Variants in ZC3H15 observed in about 807,000 individuals in gnomAD.
The protein encoded by ZC3H15 is zinc finger CCCH-type containing 15.
A neutral mutation model predicts 51.2 loss-of-function variants in ZC3H15; 15 were observed. That is an observed-to-expected ratio of 0.29 (90% confidence interval 0.20 to 0.45). The LOEUF is 0.45. Ranked by LOEUF, ZC3H15 falls within the 20% of genes least tolerant of loss-of-function variation. ZC3H15 has a pLI of 1.00. For missense variants in ZC3H15, 381 were observed against 494.7 expected, an observed-to-expected ratio of 0.77 and a Z score of 2.18; for synonymous variants, 144 against 162.8, an observed-to-expected ratio of 0.88 and a Z score of 0.88.
chr2:186,492,319 T>G (rs886969928), intron 1 of ZC3H15, among the ~76,000 whole-genome samples: 1 of 152,246 alleles, frequency 6.6e-6, no homozygotes, highest in African/African-American at 2.4e-5. Flanking sequence ...TCACATTATG[T>G]TGACCATCTT....
intron 3 of ZC3H15, chr2:186,500,712 G>A (rs775078891): frequency 2.2e-6 from 1 of 455,218 alleles, no homozygotes; most frequent in Non-Finnish European, 4.4e-6. Context: ...TTGTTGCTCT[G>A]TCACCAGGCT....
rs764905028 is a variant in ZC3H15, at chr2:186,505,612, C to T, written c.864+15C>T. 9.4e-6 allele frequency: 15 copies of T among 1,599,208 alleles called. No individual in the cohort carries two copies. Among genetic ancestry groups the T allele is most frequent in the South Asian group, 7.8e-5 (7 of 89,276 alleles). On this transcript the variant is annotated intron_variant, in intron 7 of 9. Transcript: ENST00000337859. ...AAGCACTAGTGGTATGTCTCAGGCT[C>T]ACCCAAACTGATTCTTTATTCTTCC...
Position 186,508,598 on chromosome 2 carries a change from C to T in ZC3H15, c.1146C>T (p.Asp382=). The T allele has an allele frequency of 6.2e-7, 1 of 1,613,972 alleles. No homozygotes were observed. The highest frequency in any genetic ancestry group is 8.5e-7 in the Non-Finnish European group (1 of 1,179,970). The stretch of plus-strand genomic sequence containing the variant: ...GGGCTGAAAATGGTGAAAGAAGTGA[C>T]TTGGAAGAGGACAACGAGAGGGAGG... The part of the protein sequence containing the change: ...GGRAENGERS[D]LEEDNEREGT... Residue 382 remains aspartate (D), a synonymous_variant, in exon 10 of 10, where the codon GAC becomes GAT. Transcript: ENST00000337859.
Position 186,508,558 on chromosome 2 carries a change from A to C in ZC3H15, c.1106A>C (p.Glu369Ala). 1.2e-6 allele frequency: 2 copies of C among 1,613,672 alleles called. No individual in the cohort carries two copies. Among genetic ancestry groups the C allele is most frequent in the Non-Finnish European group, 1.7e-6 (2 of 1,179,838 alleles). ...TSDKDENKLS[E>A]ASGGRAENGE... ...TTATATTTAGAAAACAAATTAAGTG[A>C]AGCTTCTGGAGGTAGGGCTGAAAAT... The change falls in exon 10 of 10, where the codon GAA becomes GCA. Residue 369 changes from glutamate to alanine, a missense_variant. Glu to Ala is a moderately radical substitution (Grantham distance 107, BLOSUM62 -1). Coordinates refer to ENST00000337859, the MANE Select transcript of ZC3H15 (RefSeq NM_018471.3).
rs200591705 is a variant in ZC3H15 at position 186,504,108 on chromosome 2, T to C, written c.611T>C (p.Ile204Thr). The C allele has an allele frequency of 1.1e-4, 182 of 1,610,014 alleles. 1 individual carries two copies. In the Admixed American group the frequency reaches 2.4e-3, roughly 21 times the overall value. Residue 204 changes from isoleucine (I) to threonine (T), a missense_variant, in exon 6 of 10, where the codon ATT becomes ACT. Around this residue, in one of 3 missense-constraint regions of ZC3H15, gnomAD observed 41 missense variants for 86.5 expected, o/e 0.47. Transcript: ENST00000337859. ...TGGGTATGCCCTGGAGGGGGTGATATTTGCATGTATCGTCATGCACTTCCT... is the reference window on the plus strand; with the variant it reads ...TGGGTATGCCCTGGAGGGGGTGATACTTGCATGTATCGTCATGCACTTCCT... ...WFWVCPGGGD[I>T]CMYRHALPPG...
At chr2:186,488,185 G>A (rs933253032) in intron 1 of ZC3H15, among the ~76,000 whole-genome samples, 1 of 151,758 alleles carries the variant, frequency 6.6e-6, no homozygotes, top group Non-Finnish European at 1.5e-5. Context: ...TTTTTGTTGA[G>A]GTATAACTTA....
At chr2:186,497,883 A>G (rs1236477930) in intron 2 of ZC3H15, among the ~76,000 whole-genome samples, 1 of 152,204 alleles carries the variant, frequency 6.6e-6, no homozygotes, top group Non-Finnish European at 1.5e-5. Context: ...CCCATCATAT[A>G]TAACATCGGA....
chr2:186,494,232 T>C (rs565193930), intron 1 of ZC3H15, among the ~76,000 whole-genome samples: 1 of 152,178 alleles, frequency 6.6e-6, no homozygotes, highest in Non-Finnish European at 1.5e-5. Context: ...TATTCCAGAT[T>C]TAAAGAAAAT....
Position 186,508,952 on chromosome 2 carries a change from A to G in ZC3H15, c.*219A>G. 1 of 637,480 alleles carries G rather than the reference A, an allele frequency of 1.6e-6. No individual in the cohort carries two copies. Among genetic ancestry groups the G allele is most frequent in the East Asian group, 3.1e-5 (1 of 32,464 alleles). The allele number at this position is 637,480 out of a possible 1,614,324, so 39.5% of individuals were successfully genotyped here. A position where few individuals can be genotyped will look rare whatever the true frequency, so the allele number is the denominator to read the frequency against. Reference sequence around the variant, plus strand: ...GAGTAGTTCATGATAAATTGAAAATATAATGGTCATTGCAGAAAATGATTG... The same window carrying G: ...GAGTAGTTCATGATAAATTGAAAATGTAATGGTCATTGCAGAAAATGATTG... On this transcript the variant is annotated 3_prime_UTR_variant, in exon 10 of 10. Coordinates refer to ENST00000337859, the MANE Select transcript of ZC3H15 (RefSeq NM_018471.3).
intron 1 of ZC3H15, among the ~76,000 whole-genome samples, chr2:186,491,267 A>G (rs1685194982): frequency 6.6e-6 from 1 of 152,170 alleles, no homozygotes. Flanking sequence ...TCTGTCACTT[A>G]ATAGTTAACA....
At position 186,509,228 on chromosome 2, in the gene ZC3H15, T is replaced by C. The variant is rs892419999; in HGVS notation, c.*495T>C. On this transcript the variant is annotated 3_prime_UTR_variant, in exon 10 of 10. Transcript: ENST00000337859. ...TATTGTGTATCTTTGGACAATTAGA[T>C]GGACATTTAAAATGGAACTTCTTTT... is the stretch of plus-strand genomic sequence containing the variant. The C allele has an allele frequency of 4.6e-6, 1 of 219,206 alleles. No individual in the cohort carries two copies. Among genetic ancestry groups the C allele is most frequent in the African/African-American group, 2.4e-5 (1 of 41,156 alleles). 13.6% of individuals were successfully genotyped at this position (219,206 alleles called of 1,614,324 possible). A position where few individuals can be genotyped will look rare whatever the true frequency, so the allele number is the denominator to read the frequency against.
rs2105582172 is a variant in ZC3H15 at position 186,486,349 on chromosome 2, CGCGTAAGTCTG to C, written c.-31_-21del. 2 of 1,520,510 alleles carry C rather than the reference CGCGTAAGTCTG, an allele frequency of 1.3e-6. No homozygotes were observed. Among genetic ancestry groups the C allele is most frequent in the East Asian group, 5.1e-5 (2 of 39,522 alleles). 94.2% of individuals were successfully genotyped at this position (1,520,510 alleles called of 1,614,324 possible). A position where few individuals can be genotyped will look rare whatever the true frequency, so the allele number is the denominator to read the frequency against. On this transcript the variant is annotated 5_prime_UTR_variant, in exon 1 of 10. Transcript: ENST00000337859. ...CAGAACCCCTGACGGTATTCAGCTG[CGCGTAAGTCTG>C]GCCGGTGCCATCTGTCTCCGCAATG... is the stretch of plus-strand genomic sequence containing the variant.
intron 1 of ZC3H15, among the ~76,000 whole-genome samples, chr2:186,489,446 T>C (rs1194634319): frequency 6.6e-6 from 1 of 152,234 alleles, no homozygotes; most frequent in African/African-American, 2.4e-5. Context: ...GTGACTGTTA[T>C]AATTTTGGAG....
chr2:186,488,612 A>G (rs1486390505), intron 1 of ZC3H15: 1 of 152,240 alleles, frequency 6.6e-6, no homozygotes, highest in Admixed American at 6.5e-5. Context: ...GTTATAATTG[A>G]CGCTTGAAAA....
rs755860702 is a variant in ZC3H15, at chr2:186,486,352, G to A, written c.-31G>A. The A allele has an allele frequency of 5.3e-6, 8 of 1,522,792 alleles. No individual in the cohort carries two copies. Among genetic ancestry groups the A allele is most frequent in the South Asian group, 1.2e-5 (1 of 80,736 alleles). 94.3% of individuals were successfully genotyped at this position (1,522,792 alleles called of 1,614,324 possible). ...AACCCCTGACGGTATTCAGCTGCGCGTAAGTCTGGCCGGTGCCATCTGTCT... is the reference window on the plus strand; with the variant it reads ...AACCCCTGACGGTATTCAGCTGCGCATAAGTCTGGCCGGTGCCATCTGTCT... On this transcript the variant is annotated 5_prime_UTR_variant, in exon 1 of 10. Coordinates refer to ENST00000337859, the MANE Select transcript of ZC3H15 (RefSeq NM_018471.3).
chr2:186,490,525 T>C (rs185376167), intron 1 of ZC3H15, among the ~76,000 whole-genome samples: 7 of 152,308 alleles, frequency 4.6e-5, no homozygotes, highest in Non-Finnish European at 5.9e-5. Context: ...AGTTGCATAA[T>C]ATATATTGCA....
chr2:186,497,220 G>T, intron 2 of ZC3H15: 2 of 386,702 alleles, frequency 5.2e-6, no homozygotes, highest in South Asian at 1.9e-5. Context: ...TTTCTCATGT[G>T]TTTACAGATT....
chr2:186,500,746 C>T (rs762637992), intron 3 of ZC3H15: 6 of 453,668 alleles, frequency 1.3e-5, no homozygotes, highest in Non-Finnish European at 2.6e-5. Context: ...ACCATCTCAG[C>T]TCACTGCAAC....
At chr2:186,505,114 C>T (rs1559012682) in intron 6 of ZC3H15, 1 of 154,506 alleles carries the variant, frequency 6.5e-6, no homozygotes, top group Non-Finnish European at 1.4e-5. Context: ...TTCTCAGGAA[C>T]ACAAATGAAA....
Sources: allele counts gnomAD v4.1 joint callset (sites outside exome capture counted in the v4.1 genomes callset), GRCh38; gene constraint gnomAD v4.1.1; regional missense constraint gnomAD v4.1.1; transcripts MANE v1.5; gene names NCBI Gene and HGNC (gene_info 2026-07-23, HGNC 2026-07-21).